GRID2: variants seen among roughly 807,000 people sequenced by gnomAD.
The protein encoded by GRID2 is glutamate receptor ionotropic, delta-2.
GRID2 carries 33 observed loss-of-function variants against 114.8 expected under a neutral mutation model. That is an observed-to-expected ratio of 0.29 (90% CI 0.22 to 0.38). The LOEUF is 0.38. GRID2 is among the 10% of genes least tolerant of loss of function. The probability of loss-of-function intolerance (pLI) is 1.00; values close to 1 mark genes in which losing one functional copy is unlikely to be tolerated. For missense variants in GRID2, 1,184 were observed against 1,257.7 expected, an observed-to-expected ratio of 0.94 and a Z score of 0.89; for synonymous variants, 505 against 449.9, an observed-to-expected ratio of 1.12 and a Z score of -1.55.
At chr4:93,457,178 A>G (rs963324889) in intron 11 of GRID2, among the ~76,000 whole-genome samples, 6 of 152,176 alleles carry the variant, frequency 3.9e-5, no homozygotes, top group African/African-American at 1.4e-4. Context: ...GTTCTGTGGT[A>G]GGATAAGCAT....
intron 1 of GRID2, among the ~76,000 whole-genome samples, chr4:92,351,473 A>G (rs142537218): frequency 6.6e-6 from 1 of 152,010 alleles, no homozygotes; most frequent in East Asian, 1.9e-4. Flanking sequence ...TAGCATAACC[A>G]TCACCTCAAA....
At chr4:93,387,255 T>C (rs1336764193) in intron 8 of GRID2, among the ~76,000 whole-genome samples, 1 of 152,220 alleles carries the variant, frequency 6.6e-6, no homozygotes, top group East Asian at 1.9e-4. Context: ...TTATTATTAC[T>C]ATAGCTATGG....
intron 1 of GRID2, among the ~76,000 whole-genome samples, chr4:92,547,093 T>G (rs2149168651): frequency 6.6e-6 from 1 of 152,314 alleles, no homozygotes; most frequent in Admixed American, 6.5e-5. Context: ...TTTCTGTAAC[T>G]TTGAACCAGC....
chr4:92,866,803 G>A (rs1054138784), intron 2 of GRID2, among the ~76,000 whole-genome samples: 3 of 151,640 alleles, frequency 2.0e-5, no homozygotes, highest in Non-Finnish European at 2.9e-5. Flanking sequence ...CTCCCACCTC[G>A]GCCTCCCCAA....
intron 2 of GRID2, among the ~76,000 whole-genome samples, chr4:92,701,697 G>A (rs1477840252): frequency 6.6e-6 from 1 of 151,826 alleles, no homozygotes; most frequent in African/African-American, 2.4e-5. Flanking sequence ...CTTTAATAAA[G>A]CCAGGACATA....
intron 13 of GRID2, among the ~76,000 whole-genome samples, chr4:93,580,876 A>ATT (rs1235462497): frequency 6.8e-6 from 1 of 146,048 alleles, no homozygotes; most frequent in African/African-American, 2.6e-5. Context: ...GCAAATTGTC[A>ATT]TTATATATAT....
chr4:92,321,809 T>C (rs1042782426), intron 1 of GRID2, among the ~76,000 whole-genome samples: 4 of 152,092 alleles, frequency 2.6e-5, no homozygotes, highest in Non-Finnish European at 5.9e-5. Context: ...AGTAGGAAAA[T>C]ATAAGCGTTG....
chr4:92,666,647 G>GTTTT (rs137989289), intron 2 of GRID2, among the ~76,000 whole-genome samples: 8,875 of 72,782 alleles, frequency 0.12, 429 homozygotes, highest in East Asian at 0.28. Flanking sequence ...AAACTTAAGG[G>GTTTT]TTGTTTTTTT....
intron 1 of GRID2, among the ~76,000 whole-genome samples, chr4:92,464,111 A>T (rs370327111): frequency 5.9e-5 from 9 of 151,948 alleles, no homozygotes; most frequent in African/African-American, 2.2e-4. Flanking sequence ...TTTTCCTCTC[A>T]TTTCCAATAT....
chr4:93,499,485 C>T (rs934292175), intron 12 of GRID2, among the ~76,000 whole-genome samples: 4 of 151,910 alleles, frequency 2.6e-5, no homozygotes, highest in African/African-American at 4.8e-5. Flanking sequence ...TTCCTTCTCA[C>T]TTTTTCATGC....
intron 2 of GRID2, among the ~76,000 whole-genome samples, chr4:92,648,887 T>A (rs1321224976): frequency 6.8e-6 from 1 of 146,436 alleles, no homozygotes; most frequent in Non-Finnish European, 1.5e-5. Flanking sequence ...TAAAATAAAA[T>A]ATATATTATC....
intron 1 of GRID2, among the ~76,000 whole-genome samples, chr4:92,363,547 A>G (rs1291066370): frequency 1.3e-5 from 2 of 152,044 alleles, no homozygotes; most frequent in Non-Finnish European, 2.9e-5. Context: ...TTATTAAACT[A>G]TGGTCAATTA....
At chr4:92,529,127 G>T (rs1225100521) in intron 1 of GRID2, among the ~76,000 whole-genome samples, 2 of 152,036 alleles carry the variant, frequency 1.3e-5, no homozygotes. Flanking sequence ...TAGAGTGCAG[G>T]TAAGGAAAAC....
intron 1 of GRID2, among the ~76,000 whole-genome samples, chr4:92,318,664 G>A (rs1240701025): frequency 6.6e-6 from 1 of 151,388 alleles, no homozygotes; most frequent in East Asian, 1.9e-4. Flanking sequence ...TTTGCAGAGG[G>A]AATTTTCTCA....
At chr4:92,593,121 C>A (rs1186960144) in intron 2 of GRID2, among the ~76,000 whole-genome samples, 2 of 151,936 alleles carry the variant, frequency 1.3e-5, no homozygotes, top group Non-Finnish European at 2.9e-5. Flanking sequence ...ATTAGCACTC[C>A]TAATGAATTT....
At chr4:92,605,128 C>A (rs1176733781) in intron 2 of GRID2, among the ~76,000 whole-genome samples, 2 of 152,024 alleles carry the variant, frequency 1.3e-5, no homozygotes, top group African/African-American at 2.4e-5. Context: ...AACTGTGAGT[C>A]TATTAAATCT....
At chr4:92,867,119 A>G (rs180848181) in intron 2 of GRID2, among the ~76,000 whole-genome samples, 138 of 152,330 alleles carry the variant, frequency 9.1e-4, no homozygotes, top group African/African-American at 3.2e-3. Context: ...TTTACATAGT[A>G]AATACATCAT....
At chr4:92,678,284 G>C (rs935331099) in intron 2 of GRID2, among the ~76,000 whole-genome samples, 1 of 151,742 alleles carries the variant, frequency 6.6e-6, no homozygotes, top group Non-Finnish European at 1.5e-5. Context: ...TTATTTATTG[G>C]TATTCCCATA....
chr4:92,967,607 T>C (rs902998929), intron 2 of GRID2, among the ~76,000 whole-genome samples: 1 of 152,000 alleles, frequency 6.6e-6, no homozygotes, highest in Non-Finnish European at 1.5e-5. Context: ...TGACTTCAGA[T>C]CTCTCCTGAA....
Sources: allele counts gnomAD v4.1 joint callset (sites outside exome capture counted in the v4.1 genomes callset), GRCh38; gene constraint gnomAD v4.1.1; transcripts MANE v1.5; gene names NCBI Gene and HGNC (gene_info 2026-07-23, HGNC 2026-07-21).